TRPM3: variants seen among roughly 807,000 people sequenced by gnomAD.
TRPM3 encodes transient receptor potential cation channel subfamily M member 3.
In TRPM3, 77 loss-of-function variants were observed where a neutral mutation model predicts 181.2. The observed-to-expected ratio is 0.42, with a 90% confidence interval of 0.35 to 0.51. The LOEUF is 0.51. Ranked by LOEUF, TRPM3 falls within the 20% of genes least tolerant of loss-of-function variation. The pLI is 0.01. For missense variants in TRPM3, 1,759 were observed against 2,196.7 expected (o/e 0.80, Z 3.98); for synonymous variants, 745 against 796.4 (o/e 0.94, Z 1.09).
intron 1 of TRPM3, among the ~76,000 whole-genome samples, chr9:71,307,974 C>CT (rs1195485360): frequency 0.013 from 1,831 of 142,154 alleles, 25 homozygotes; most frequent in African/African-American, 0.038. Flanking sequence ...TTCTTTCTTT[C>CT]TTTTTTTTTT....
chr9:71,298,151 G>A (rs964702674), intron 1 of TRPM3, among the ~76,000 whole-genome samples: 1 of 151,834 alleles, frequency 6.6e-6, no homozygotes, highest in Non-Finnish European at 1.5e-5. Context: ...ACTATTTACT[G>A]CAGGATATCT....
upstream of TRPM3, among the ~76,000 whole-genome samples, chr9:71,123,133 G>A (rs1485111423): frequency 6.6e-6 from 1 of 152,190 alleles, no homozygotes; most frequent in East Asian, 1.9e-4. Context: ...CTACTAGGCT[G>A]TAAAGACAAG....
intron 19 of TRPM3, among the ~76,000 whole-genome samples, chr9:70,608,960 T>A (rs1043184150): frequency 2.0e-5 from 3 of 152,194 alleles, no homozygotes; most frequent in African/African-American, 7.2e-5. Flanking sequence ...AGATATTATT[T>A]TTGTTGAGTG....
rs1339698170 is a variant in TRPM3, at chr9:70,841,661, T to TATATATGA, written c.801+1341_801+1342insTCATATAT. Among the ~76,000 whole-genome samples the TATATATGA allele has an allele frequency of 4.2e-4, 36 of 86,090 alleles. 2 individuals are homozygous for TATATATGA. The highest frequency in any genetic ancestry group is 1.5e-3 in the African/African-American group (32 of 21,058). 56.5% of individuals were successfully genotyped at this position (86,090 alleles called of 152,430 possible). On this transcript the variant is annotated intron_variant, in intron 5 of 25. Transcript: ENST00000677713. ...ATATATATATATATATATATATATA[T>TATATATGA]CCCACCATATATATGTATATATAGA...
At chr9:71,427,839 A>T (rs937992629) in intron 1 of TRPM3, among the ~76,000 whole-genome samples, 1 of 152,206 alleles carries the variant, frequency 6.6e-6, no homozygotes, top group East Asian at 1.9e-4. Flanking sequence ...GATGGATTCA[A>T]CTGAACTCTC....
intron 1 of TRPM3, among the ~76,000 whole-genome samples, chr9:71,032,031 TAAATA>T (rs1565023135): frequency 1.9e-5 from 1 of 52,814 alleles, no homozygotes; most frequent in African/African-American, 5.9e-5. Flanking sequence ...ATATATAATA[TAAATA>T]TATATATATA....
At chr9:70,626,278 C>A (rs2064589204) in intron 12 of TRPM3, among the ~76,000 whole-genome samples, 1 of 152,164 alleles carries the variant, frequency 6.6e-6, no homozygotes, top group Non-Finnish European at 1.5e-5. Flanking sequence ...ATAGTGAATT[C>A]CAAAGGTCAT....
chr9:70,628,000 T>C (rs574559843), intron 12 of TRPM3, among the ~76,000 whole-genome samples: 1 of 152,240 alleles, frequency 6.6e-6, no homozygotes, highest in East Asian at 1.9e-4. Context: ...TCAGAGAAAG[T>C]TTTAAGATAG....
intron 1 of TRPM3, among the ~76,000 whole-genome samples, chr9:71,217,831 T>A (rs1391549303): frequency 2.6e-5 from 4 of 152,090 alleles, no homozygotes; most frequent in Non-Finnish European, 1.5e-5. Context: ...CCACAGCCCT[T>A]CTGCTGAGCT....
At chr9:70,750,164 C>A (rs2075875846) in intron 8 of TRPM3, among the ~76,000 whole-genome samples, 1 of 152,072 alleles carries the variant, frequency 6.6e-6, no homozygotes, top group Admixed American at 6.6e-5. Flanking sequence ...TCAGAGTAAG[C>A]AGTTGTGAGA....
intron 8 of TRPM3, among the ~76,000 whole-genome samples, chr9:70,700,587 A>T (rs1359988208): frequency 6.6e-6 from 1 of 152,206 alleles, no homozygotes; most frequent in Admixed American, 6.5e-5. Flanking sequence ...CCTGGAGGAG[A>T]TTCTAAATAG....
intron 1 of TRPM3, among the ~76,000 whole-genome samples, chr9:71,161,048 A>G (rs1386086337): frequency 6.6e-6 from 1 of 152,162 alleles, no homozygotes; most frequent in Non-Finnish European, 1.5e-5. Flanking sequence ...GGAAACCCAA[A>G]ATTCCCCTTA....
intron 1 of TRPM3, among the ~76,000 whole-genome samples, chr9:70,893,147 C>T (rs1397696668): frequency 6.6e-6 from 1 of 152,180 alleles, no homozygotes; most frequent in Non-Finnish European, 1.5e-5. Context: ...AAGACATTTT[C>T]TGCGACACCA....
At chr9:70,873,137 C>T (rs912616165) in intron 1 of TRPM3, among the ~76,000 whole-genome samples, 1 of 151,906 alleles carries the variant, frequency 6.6e-6, no homozygotes, top group Non-Finnish European at 1.5e-5. Flanking sequence ...ACGATGATGT[C>T]ACAAAAGTGA....
chr9:71,034,565 A>G (rs569057509), intron 1 of TRPM3, among the ~76,000 whole-genome samples: 3 of 152,060 alleles, frequency 2.0e-5, no homozygotes, highest in African/African-American at 7.2e-5. Context: ...GCAGCAGTTA[A>G]ATGATATACT....
At chr9:71,264,347 C>G (rs1317936290) in intron 1 of TRPM3, among the ~76,000 whole-genome samples, 3 of 152,064 alleles carry the variant, frequency 2.0e-5, no homozygotes, top group Non-Finnish European at 4.4e-5. Context: ...TCTGTACTAT[C>G]TGATGTAAGT....
intron 1 of TRPM3, among the ~76,000 whole-genome samples, chr9:71,367,656 C>A (rs1005117886): frequency 1.3e-5 from 2 of 152,018 alleles, no homozygotes; most frequent in African/African-American, 2.4e-5. Flanking sequence ...CTAAGCTCAT[C>A]GAAACCATCA....
At chr9:71,252,516 C>A (rs752123249) in intron 1 of TRPM3, among the ~76,000 whole-genome samples, 1 of 152,090 alleles carries the variant, frequency 6.6e-6, no homozygotes, top group Non-Finnish European at 1.5e-5. Context: ...CTTTCCAGGA[C>A]CAACTTATTT....
chr9:70,632,310 C>T (rs139453233), intron 12 of TRPM3, among the ~76,000 whole-genome samples: 1 of 152,272 alleles, frequency 6.6e-6, no homozygotes, highest in African/African-American at 2.4e-5. Context: ...CCAATGTTAA[C>T]TTCTCCCTTA....
Sources: gnomAD v4.1 joint callset for allele counts (sites outside exome capture counted in the v4.1 genomes callset) on GRCh38, gnomAD v4.1.1 for gene constraint, MANE v1.5 for transcripts, NCBI Gene and HGNC (gene_info 2026-07-23, HGNC 2026-07-21) for gene names.